Variants in C1orf87 observed in about 807,000 individuals in gnomAD.
C1orf87 encodes the protein chromosome 1 open reading frame 87, also known as uncharacterized protein C1orf87.
Under a neutral mutation model 60.5 loss-of-function variants are expected in C1orf87, and 58 were observed. The ratio of observed to expected loss-of-function variants is 0.96; its 90% CI spans 0.78 to 1.19. The LOEUF is 1.19. C1orf87 is among the 50% of genes most tolerant of loss of function. The probability of loss-of-function intolerance (pLI) is 0.00; values close to 1 mark genes in which losing one functional copy is unlikely to be tolerated. For missense variants in C1orf87, 673 were observed against 638.6 expected (o/e 1.05, Z -0.58); for synonymous variants, 236 against 227.4 (o/e 1.04, Z -0.34).
In C1orf87 at chr1:60,033,580, T is replaced by C. The variant is rs770267389; in HGVS notation, c.925A>G (p.Lys309Glu). 5 of 1,613,486 alleles carry C rather than the reference T, an allele frequency of 3.1e-6. No individual in the cohort carries two copies. In the Middle Eastern group the frequency reaches 4.9e-4, roughly 160 times the overall value. ...CCATTGGTTGTCCTTAGTGCCATCT[T>C]CAAAATCTCCAACAGACTCCTGTTC... ...EVNRSLLEIL[K>E]MALRTTNGRL... is the part of the protein sequence containing the mutation. Residue 309 changes from lysine (K) to glutamate (E), a missense_variant, in exon 7 of 12, where the codon AAG (lysine) becomes GAG (glutamate). By Grantham distance (56) the Lys-to-Glu change is moderately conservative. Coordinates refer to ENST00000371201, the MANE Select transcript of C1orf87 (RefSeq NM_152377.3).
chr1:60,028,138 T>C (rs1375557944), intron 7 of C1orf87, among the ~76,000 whole-genome samples: 1 of 152,106 alleles, frequency 6.6e-6, no homozygotes, highest in Non-Finnish European at 1.5e-5. Flanking sequence ...AAAATAAAGT[T>C]CAAGAGTCAG....
chr1:60,007,509 C>A (rs1645054838), intron 9 of C1orf87, among the ~76,000 whole-genome samples: 1 of 152,022 alleles, frequency 6.6e-6, no homozygotes, highest in Non-Finnish European at 1.5e-5. Flanking sequence ...TCATCCATGG[C>A]AATTTTTAAT....
intron 8 of C1orf87, among the ~76,000 whole-genome samples, chr1:60,016,752 G>A (rs919950565): frequency 6.6e-6 from 1 of 152,150 alleles, no homozygotes; most frequent in Admixed American, 6.5e-5. Flanking sequence ...GGGCTTGTTT[G>A]GATCATACCT....
chr1:60,022,648 A>G (rs1645171588), intron 8 of C1orf87, among the ~76,000 whole-genome samples: 1 of 152,136 alleles, frequency 6.6e-6, no homozygotes, highest in South Asian at 2.1e-4. Flanking sequence ...AAACCTCAGC[A>G]TACATTTTTT....
At chr1:60,034,058 C>T (rs913204681) in intron 6 of C1orf87, among the ~76,000 whole-genome samples, 6 of 152,136 alleles carry the variant, frequency 3.9e-5, no homozygotes, top group African/African-American at 1.4e-4. Flanking sequence ...CTGCCACAAG[C>T]AAAGCAAAGC....
Position 60,039,980 on chromosome 1 carries a change from A to G in C1orf87, c.684T>C (p.Pro228=). The G allele has an allele frequency of 1.2e-6, 2 of 1,614,144 alleles. No homozygotes were observed. The highest frequency in any genetic ancestry group is 1.7e-6 in the Non-Finnish European group (2 of 1,179,984). Residue 228 remains proline, a synonymous_variant, in exon 5 of 12, where the codon CCT becomes CCC. Transcript: ENST00000371201. The part of the protein sequence containing the change: ...LSRLFLKHEV[P]LQLPTVKILC... ...GGATTTTAACTGTTGGTAACTGTAG[A>G]GGGACTTCATGCTTCAAAAAGAGGC...
chr1:60,045,813 G>A (rs181100971), intron 3 of C1orf87, among the ~76,000 whole-genome samples: 252 of 152,290 alleles, frequency 1.7e-3, no homozygotes, highest in East Asian at 5.2e-3. Context: ...GTTTGAATAA[G>A]TCCTCCAGTA....
intron 3 of C1orf87, among the ~76,000 whole-genome samples, chr1:60,045,799 C>G (rs1483466068): frequency 5.3e-5 from 8 of 152,190 alleles, no homozygotes; most frequent in African/African-American, 1.9e-4. Flanking sequence ...GCCCAGGAAT[C>G]TGTGTTTGAA....
At chr1:60,066,995 A>T (rs190146222) in intron 2 of C1orf87, among the ~76,000 whole-genome samples, 112 of 152,304 alleles carry the variant, frequency 7.4e-4, no homozygotes, top group Middle Eastern at 3.4e-3. Context: ...ATGTCCCTGC[A>T]AAGGACATGA....
Position 60,040,042 on chromosome 1 carries a change from T to C in C1orf87, c.622A>G (p.Ile208Val), listed in dbSNP as rs1185101129. The C allele has an allele frequency of 2.5e-6, 4 of 1,614,168 alleles. 1 individual carries two copies. In the South Asian group the frequency reaches 4.4e-5, roughly 18 times the overall value. The change falls in exon 5 of 12, where the codon ATC (isoleucine) becomes GTC (valine). Residue 208 changes from isoleucine (I) to valine (V), a missense_variant. Transcript: ENST00000371201. ...LQKELKILDPISSGFLLQSQL... is the reference protein window; with the variant it reads ...LQKELKILDPVSSGFLLQSQL... ...GATTGGAGAAGAAATCCTGAAGAGA[T>C]TGGGTCCAGGATCTTCAGCTCTTTC...
In C1orf87 at chr1:60,061,951, T is replaced by C. The variant is rs1574328499; in HGVS notation, c.108-6513A>G. ...GGGTGATGGACAGAGATCCTGTCTC[T>C]AAGAAAAGCAGTGCCTATGTCTTAT... On this transcript the variant is annotated intron_variant, in intron 2 of 11. Transcript: ENST00000371201. Among the ~76,000 whole-genome samples, 3 of 152,062 alleles carry C rather than the reference T, an allele frequency of 2.0e-5. No individual in the cohort carries two copies. In the East Asian group the frequency reaches 5.8e-4, roughly 30 times the overall value.
Position 59,990,902 on chromosome 1 carries a change from T to G in C1orf87, c.1481-69A>C. On this transcript the variant is annotated intron_variant, in intron 11 of 11. Coordinates refer to ENST00000371201, the MANE Select transcript of C1orf87 (RefSeq NM_152377.3). ...GAGGGAAAACAGAGAAAACTATATATTAGCTTGAATGACTTCCAGGTAAAG... is the reference window on the plus strand; with the variant it reads ...GAGGGAAAACAGAGAAAACTATATAGTAGCTTGAATGACTTCCAGGTAAAG... The G allele has an allele frequency of 2.0e-6, 3 of 1,464,726 alleles. No individual in the cohort carries two copies. In the South Asian group the frequency reaches 3.8e-5, roughly 18 times the overall value. 90.7% of individuals were successfully genotyped at this position (1,464,726 alleles called of 1,614,324 possible). A position where few individuals can be genotyped will look rare whatever the true frequency, so the allele number is the denominator to read the frequency against.
intron 2 of C1orf87, among the ~76,000 whole-genome samples, chr1:60,062,552 A>C (rs1360062892): frequency 6.6e-6 from 1 of 152,126 alleles, no homozygotes; most frequent in Admixed American, 6.6e-5. Context: ...ATAATGTCTC[A>C]TTACTGTTTA....
chr1:60,062,211 C>T (rs889959384), intron 2 of C1orf87, among the ~76,000 whole-genome samples: 1 of 152,176 alleles, frequency 6.6e-6, no homozygotes, highest in African/African-American at 2.4e-5. Flanking sequence ...TGCACCATAA[C>T]TTGCAGTTCT....
chr1:60,003,631 T>C (rs563199314), intron 9 of C1orf87, among the ~76,000 whole-genome samples: 1 of 152,200 alleles, frequency 6.6e-6, no homozygotes, highest in Non-Finnish European at 1.5e-5. Flanking sequence ...AATTTTAGCA[T>C]CAAACTTACA....
intron 10 of C1orf87, among the ~76,000 whole-genome samples, chr1:59,998,155 G>A (rs190632606): frequency 7.5e-6 from 1 of 133,672 alleles, no homozygotes; most frequent in African/African-American, 2.8e-5. Flanking sequence ...GCAGGGGGTA[G>A]ACTTCAGACA....
chr1:60,024,309 T>C (rs1469945327), intron 8 of C1orf87, among the ~76,000 whole-genome samples: 1 of 152,176 alleles, frequency 6.6e-6, no homozygotes, highest in Non-Finnish European at 1.5e-5. Flanking sequence ...TGTTAGAGTT[T>C]TAAGATTTGT....
chr1:59,999,648 G>C (rs1644987717), intron 10 of C1orf87, among the ~76,000 whole-genome samples: 1 of 152,076 alleles, frequency 6.6e-6, no homozygotes, highest in Non-Finnish European at 1.5e-5. Flanking sequence ...ATCCTTCACT[G>C]TTTTGGTCCC....
At position 59,990,559 on chromosome 1, in the gene C1orf87, A is replaced by G; in HGVS notation, c.*114T>C. 3 of 1,258,966 alleles carry G rather than the reference A, an allele frequency of 2.4e-6. No homozygotes were observed. The highest frequency in any genetic ancestry group is 4.1e-5 in the Admixed American group (2 of 49,252). 78.0% of individuals were successfully genotyped at this position (1,258,966 alleles called of 1,614,324 possible). A position where few individuals can be genotyped will look rare whatever the true frequency, so the allele number is the denominator to read the frequency against. On this transcript the variant is annotated 3_prime_UTR_variant, in exon 12 of 12. Coordinates refer to ENST00000371201, the MANE Select transcript of C1orf87 (RefSeq NM_152377.3). ...AATCAAAAGCATCTACAATAGCTGC[A>G]TCGGCCTCCACTCTGACAATGCCTC... is the stretch of plus-strand genomic sequence containing the variant.
Sources: allele counts gnomAD v4.1 joint callset (sites outside exome capture counted in the v4.1 genomes callset), GRCh38; gene constraint gnomAD v4.1.1; transcripts MANE v1.5; gene names NCBI Gene and HGNC (gene_info 2026-07-23, HGNC 2026-07-21).